FGF12: variants seen among roughly 807,000 people sequenced by gnomAD.
FGF12 encodes the protein fibroblast growth factor 12B.
Under a neutral mutation model 23.6 loss-of-function variants are expected in FGF12, and 14 were observed. The observed-to-expected ratio is 0.59, with a 90% CI of 0.39 to 0.93. FGF12 has a LOEUF of 0.93. Ranked by LOEUF, FGF12 falls within the 40% of genes least tolerant of loss-of-function variation. The pLI is 0.00. For missense variants in FGF12, 175 were observed against 217.8 expected (o/e 0.80, Z 1.24); for synonymous variants, 62 against 77.3 (o/e 0.80, Z 1.04).
At chr3:192,536,762 G>A (rs998193202) in intron 2 of FGF12, among the ~76,000 whole-genome samples, 7 of 151,768 alleles carry the variant, frequency 4.6e-5, no homozygotes, top group African/African-American at 1.7e-4. Flanking sequence ...AGGGTAAATG[G>A]GGTATTCATC....
chr3:192,515,449 A>T (rs141360786), intron 2 of FGF12: 1 of 152,698 alleles, frequency 6.5e-6, no homozygotes, highest in Non-Finnish European at 1.5e-5. Flanking sequence ...AGGCGTGGAC[A>T]GAGTGCCGAT....
intron 2 of FGF12, among the ~76,000 whole-genome samples, chr3:192,469,292 A>G (rs1259339291): frequency 1.3e-5 from 2 of 152,234 alleles, no homozygotes; most frequent in African/African-American, 4.8e-5. Context: ...CTCTGTTTCT[A>G]CACCCTCTCA....
intron 2 of FGF12, among the ~76,000 whole-genome samples, chr3:192,387,382 A>C (rs1720090085): frequency 1.3e-5 from 2 of 152,218 alleles, no homozygotes; most frequent in African/African-American, 4.8e-5. Context: ...TAGAATAGAC[A>C]TCCAAACCTG....
At chr3:192,152,588 G>A (rs1714120329) in intron 5 of FGF12, among the ~76,000 whole-genome samples, 1 of 130,336 alleles carries the variant, frequency 7.7e-6, no homozygotes, top group Non-Finnish European at 1.6e-5. Context: ...AGTCATTCAG[G>A]AGCAGGTTGT....
At chr3:192,291,948 A>C (rs746305815) in intron 4 of FGF12, among the ~76,000 whole-genome samples, 1 of 152,248 alleles carries the variant, frequency 6.6e-6, no homozygotes, top group Non-Finnish European at 1.5e-5. Flanking sequence ...TCAAATTGGC[A>C]TTGGGATCAT....
chr3:192,282,887 C>T (rs1406110320), intron 4 of FGF12: 1 of 152,058 alleles, frequency 6.6e-6, no homozygotes, highest in Non-Finnish European at 1.5e-5. Context: ...AGCGAAGAGA[C>T]ATGTAGAGCT....
intron 2 of FGF12, among the ~76,000 whole-genome samples, chr3:192,560,649 C>A (rs73887634): frequency 2.0e-3 from 305 of 152,120 alleles, no homozygotes; most frequent in African/African-American, 7.1e-3. Context: ...AAATATAATT[C>A]TGCCTGGTAA....
intron 2 of FGF12, among the ~76,000 whole-genome samples, chr3:192,669,949 T>C (rs966466853): frequency 6.6e-6 from 1 of 152,226 alleles, no homozygotes; most frequent in Non-Finnish European, 1.5e-5. Context: ...AAAGAGTTAA[T>C]TGATATGACT....
At position 192,611,061 on chromosome 3, in the gene FGF12, T is replaced by C. The variant is rs201272673; in HGVS notation, c.13+116120A>G. On this transcript the variant is annotated intron_variant, in intron 2 of 5. Coordinates refer to ENST00000445105, the MANE Select transcript of FGF12 (RefSeq NM_004113.6). ...TGTAAGGGCAAGAACTTCTGTCTGT[T>C]TTGTCCACTAGCATAATCTCAAAGC... Among the ~76,000 whole-genome samples, 20 of 152,184 alleles carry C rather than the reference T, an allele frequency of 1.3e-4. No homozygotes were observed. In the East Asian group the frequency reaches 3.9e-3, roughly 29 times the overall value.
intron 2 of FGF12, among the ~76,000 whole-genome samples, chr3:192,554,801 A>AAAG (rs398106889): frequency 6.6e-6 from 1 of 151,870 alleles, no homozygotes; most frequent in Non-Finnish European, 1.5e-5. Flanking sequence ...GAAAAAAAAA[A>AAAG]GAATTCATGA....
chr3:192,363,318 T>A (rs1027577398), intron 2 of FGF12, among the ~76,000 whole-genome samples: 1 of 152,094 alleles, frequency 6.6e-6, no homozygotes, highest in Non-Finnish European at 1.5e-5. Flanking sequence ...TGAATGATTG[T>A]TTGTTTTCTT....
intron 4 of FGF12, chr3:192,244,998 CTCTTT>C (rs1276499008): frequency 5.9e-5 from 9 of 152,094 alleles, no homozygotes; most frequent in Admixed American, 1.3e-4. Context: ...AACTATGATA[CTCTTT>C]TCTTTTAAGT....
intron 2 of FGF12, among the ~76,000 whole-genome samples, chr3:192,498,234 A>G (rs961980023): frequency 6.6e-6 from 1 of 152,056 alleles, no homozygotes; most frequent in Non-Finnish European, 1.5e-5. Context: ...TTGATTATAT[A>G]TTTGCTCCCT....
intron 2 of FGF12, among the ~76,000 whole-genome samples, chr3:192,419,040 G>A (rs1340382821): frequency 1.3e-5 from 2 of 152,272 alleles, no homozygotes; most frequent in East Asian, 3.9e-4. Context: ...TTATTCACAT[G>A]TTACAGTGGG....
chr3:192,325,219 A>T (rs1716755352), intron 4 of FGF12, among the ~76,000 whole-genome samples: 2 of 152,152 alleles, frequency 1.3e-5, no homozygotes, highest in South Asian at 4.1e-4. Flanking sequence ...AGTTCATTTA[A>T]TAAATATATA....
Position 192,339,155 on chromosome 3 carries a change from C to T in FGF12, c.125-3691G>A, listed in dbSNP as rs117847314. On this transcript the variant is annotated intron_variant, in intron 3 of 5. Coordinates refer to ENST00000445105, the MANE Select transcript of FGF12 (RefSeq NM_004113.6). The stretch of plus-strand genomic sequence containing the variant: ...TTAAAAATCAGTAAACGATTTGAAA[C>T]GAGACTTTATTGGTAAAAGCTAAAC... Among the ~76,000 whole-genome samples, 9 of 152,202 alleles carry T rather than the reference C, an allele frequency of 5.9e-5. No individual in the cohort carries two copies. In the East Asian group the frequency reaches 1.2e-3, roughly 20 times the overall value.
intron 4 of FGF12, among the ~76,000 whole-genome samples, chr3:192,262,202 G>A (rs1283178329): frequency 6.6e-6 from 1 of 152,142 alleles, no homozygotes; most frequent in Non-Finnish European, 1.5e-5. Context: ...TTCCCCACGT[G>A]CAGCTTTTGA....
chr3:192,415,780 A>C (rs1721335137), intron 2 of FGF12, among the ~76,000 whole-genome samples: 3 of 144,858 alleles, frequency 2.1e-5, no homozygotes, highest in East Asian at 4.0e-4. Flanking sequence ...ACACACACTC[A>C]TGTTCACAGA....
At chr3:192,178,104 T>A (rs1053744444) in intron 4 of FGF12, among the ~76,000 whole-genome samples, 1 of 152,202 alleles carries the variant, frequency 6.6e-6, no homozygotes, top group Non-Finnish European at 1.5e-5. Context: ...TAAGTTGTGA[T>A]CAAATGGGAA....
Sources: gnomAD v4.1 joint callset for allele counts (sites outside exome capture counted in the v4.1 genomes callset) on GRCh38, gnomAD v4.1.1 for gene constraint, MANE v1.5 for transcripts, NCBI Gene and HGNC (gene_info 2026-07-23, HGNC 2026-07-21) for gene names.